CCDC171: variants seen among roughly 807,000 people sequenced by gnomAD.
The protein encoded by CCDC171 is coiled-coil domain containing 171, also known as coiled-coil domain-containing protein 171.
A neutral mutation model predicts 168.2 loss-of-function variants in CCDC171; 177 were observed. That is an observed-to-expected ratio of 1.05 (90% confidence interval 0.93 to 1.19). CCDC171 has a LOEUF of 1.19. CCDC171 is among the 50% of genes most tolerant of loss of function. The pLI, the probability that CCDC171 is intolerant of heterozygous loss-of-function variation, is 0.00. For missense variants in CCDC171, 1,991 were observed against 1,539.0 expected (o/e 1.29, Z -4.91); for synonymous variants, 687 against 540.8 (o/e 1.27, Z -3.75).
chr9:16,090,437 G>A, the CCDC171 span, among the ~76,000 whole-genome samples: 26 of 152,184 alleles, frequency 1.7e-4, no homozygotes, highest in Middle Eastern at 3.4e-3. Flanking sequence ...GCTAGTGGAG[G>A]GACAGCATTA....
the CCDC171 span, among the ~76,000 whole-genome samples, chr9:16,087,040 T>C: frequency 6.6e-6 from 1 of 152,236 alleles, no homozygotes; most frequent in African/African-American, 2.4e-5. Context: ...TTGTGCGGTT[T>C]TGAGTGAGTT....
the CCDC171 span, among the ~76,000 whole-genome samples, chr9:16,068,416 C>T: frequency 1.3e-5 from 2 of 152,180 alleles, no homozygotes; most frequent in African/African-American, 4.8e-5. Flanking sequence ...CCATCCCCAT[C>T]AAGCTACCAA....
chr9:15,902,902 G>C (rs1821922876), intron 24 of CCDC171, among the ~76,000 whole-genome samples: 2 of 152,208 alleles, frequency 1.3e-5, no homozygotes, highest in African/African-American at 4.8e-5. Flanking sequence ...GCCTGGCTCA[G>C]AGGGTCCTAC....
intron 25 of CCDC171, among the ~76,000 whole-genome samples, chr9:15,927,797 C>T (rs1410446): frequency 0.32 from 48,459 of 151,430 alleles, 9,481 homozygotes; most frequent in East Asian, 0.62. Flanking sequence ...TTATACTTTA[C>T]GGATAGCAGA....
downstream of CCDC171, among the ~76,000 whole-genome samples, chr9:16,062,529 C>G (rs1833945037): frequency 6.6e-6 from 1 of 152,042 alleles, no homozygotes; most frequent in African/African-American, 2.4e-5. Flanking sequence ...AACAAACCTG[C>G]CCCTGTATGC....
chr9:15,708,833 C>G (rs1291076501), intron 11 of CCDC171, among the ~76,000 whole-genome samples: 1 of 152,170 alleles, frequency 6.6e-6, no homozygotes, highest in African/African-American at 2.4e-5. Context: ...ACTGTGTACA[C>G]TCATGTAGCT....
intron 1 of CCDC171, among the ~76,000 whole-genome samples, chr9:16,043,857 A>T (rs1273775698): frequency 6.6e-6 from 1 of 152,246 alleles, no homozygotes; most frequent in Non-Finnish European, 1.5e-5. Context: ...TTTGGGTTTC[A>T]AAGAAAAATT....
chr9:15,558,584 C>G (rs1035331069), intron 1 of CCDC171, among the ~76,000 whole-genome samples: 3 of 152,062 alleles, frequency 2.0e-5, no homozygotes, highest in Admixed American at 2.0e-4. Flanking sequence ...GTGATATCCC[C>G]TTTATCTTTT....
At chr9:15,559,546 G>A (rs548347244) in intron 1 of CCDC171, among the ~76,000 whole-genome samples, 17 of 152,126 alleles carry the variant, frequency 1.1e-4, no homozygotes, top group African/African-American at 3.6e-4. Flanking sequence ...CAGAGATTAG[G>A]ATTGCAACCC....
chr9:16,082,047 A>G, the CCDC171 span, among the ~76,000 whole-genome samples: 1 of 152,320 alleles, frequency 6.6e-6, no homozygotes, highest in South Asian at 2.1e-4. Flanking sequence ...AAATCCCTCA[A>G]AAACCTGCTC....
chr9:16,020,263 G>A (rs536532043), intron 3 of CCDC171, among the ~76,000 whole-genome samples: 12 of 152,168 alleles, frequency 7.9e-5, no homozygotes, highest in Admixed American at 3.3e-4. Context: ...CAACACTAAC[G>A]AATTTCATGT....
At chr9:15,753,297 C>T (rs758190322) in intron 18 of CCDC171, among the ~76,000 whole-genome samples, 8 of 152,022 alleles carry the variant, frequency 5.3e-5, no homozygotes, top group Non-Finnish European at 8.8e-5. Context: ...AGATGGCATT[C>T]AGATGAAGGG....
chr9:15,663,566 A>G (rs1249652469), intron 8 of CCDC171, among the ~76,000 whole-genome samples: 1 of 151,846 alleles, frequency 6.6e-6, no homozygotes, highest in African/African-American at 2.4e-5. Context: ...ATTGTTCTTG[A>G]ACACTATGTG....
Position 15,846,878 on chromosome 9 carries a change from A to T in CCDC171, c.3413+31A>T, listed in dbSNP as rs758852101. ...CATTTGGACCTTGGGGAGATCACTT[A>T]AAACAGACAAAAGATCAATTCTTAC... On this transcript the variant is annotated intron_variant, in intron 22 of 25. Transcript: ENST00000380701. 1.9e-6 allele frequency: 3 copies of T among 1,567,346 alleles called. No homozygotes were observed. The Admixed American group carries it at 5.5e-5, about 29-fold the overall frequency.
intron 23 of CCDC171, among the ~76,000 whole-genome samples, chr9:15,860,159 A>G (rs2061501262): frequency 6.8e-6 from 1 of 147,488 alleles, no homozygotes; most frequent in Non-Finnish European, 1.5e-5. Context: ...TTTTAGTTTT[A>G]TCTTTTTTGC....
intron 6 of CCDC171, among the ~76,000 whole-genome samples, chr9:15,599,088 T>G (rs1033187844): frequency 5.9e-5 from 9 of 152,196 alleles, no homozygotes; most frequent in Non-Finnish European, 5.9e-5. Context: ...CTGATGGGCC[T>G]TGACTCTTTA....
intron 24 of CCDC171, among the ~76,000 whole-genome samples, chr9:15,908,095 G>A (rs1432097021): frequency 1.3e-5 from 2 of 151,372 alleles, no homozygotes; most frequent in African/African-American, 4.9e-5. Context: ...AAGTCAATGT[G>A]GCGATTCCTC....
chr9:16,026,478 T>C (rs1171881052), intron 6 of CCDC171, among the ~76,000 whole-genome samples: 1 of 152,184 alleles, frequency 6.6e-6, no homozygotes, highest in South Asian at 2.1e-4. Flanking sequence ...TGCTCCTTTG[T>C]TGCCCTGCGT....
chr9:15,768,206 C>A (rs1231139529), intron 18 of CCDC171, among the ~76,000 whole-genome samples: 1 of 144,772 alleles, frequency 6.9e-6, no homozygotes. Flanking sequence ...AAAAAAAAAC[C>A]CTAAAATTCA....
Sources: allele counts gnomAD v4.1 joint callset (sites outside exome capture counted in the v4.1 genomes callset), GRCh38; gene constraint gnomAD v4.1.1; transcripts MANE v1.5; gene names NCBI Gene and HGNC (gene_info 2026-07-23, HGNC 2026-07-21).